Variants in TMPRSS15 observed in about 807,000 individuals in gnomAD.
The protein encoded by TMPRSS15 is enteropeptidase.
TMPRSS15 carries 128 observed loss-of-function variants against 125.3 expected under a neutral mutation model. The ratio of observed to expected loss-of-function variants is 1.02; its 90% CI spans 0.89 to 1.18. The LOEUF (loss-of-function observed/expected upper bound fraction) is 1.18. Among genes scored for constraint, TMPRSS15 ranks in the 50% most tolerant of loss-of-function variants. The probability of loss-of-function intolerance (pLI) is 0.00; values close to 1 mark genes in which losing one functional copy is unlikely to be tolerated. For synonymous variants in TMPRSS15, 446 were observed against 423.2 expected (o/e 1.05, Z -0.66); for missense variants, 1,283 against 1,212.7 (o/e 1.06, Z -0.86).
At chr21:18,455,456 A>T (rs961823376) in intron 1 of TMPRSS15, among the ~76,000 whole-genome samples, 1 of 152,210 alleles carries the variant, frequency 6.6e-6, no homozygotes, top group African/African-American at 2.4e-5. Flanking sequence ...CATGAAAAAC[A>T]TATCTGCAGT....
intron 1 of TMPRSS15, among the ~76,000 whole-genome samples, chr21:18,467,310 G>A (rs1978685705): frequency 6.6e-6 from 1 of 151,982 alleles, no homozygotes; most frequent in South Asian, 2.1e-4. Context: ...TAATGTAGAT[G>A]ATGGGTTGAT....
At chr21:18,430,161 G>A (rs1242734816) in intron 1 of TMPRSS15, among the ~76,000 whole-genome samples, 1 of 152,008 alleles carries the variant, frequency 6.6e-6, no homozygotes, top group African/African-American at 2.4e-5. Context: ...ATTAAAATTT[G>A]GGGTCACAAA....
At chr21:18,340,119 G>A (rs945341253) in intron 13 of TMPRSS15, among the ~76,000 whole-genome samples, 1 of 152,210 alleles carries the variant, frequency 6.6e-6, no homozygotes, top group Non-Finnish European at 1.5e-5. Context: ...GTGTCTATGA[G>A]GGTGTTGCCA....
chr21:18,365,694 C>CCTTCCTTCCTTCCTTCCTTCCTTCCTTA, intron 6 of TMPRSS15, among the ~76,000 whole-genome samples: 1 of 137,272 alleles, frequency 7.3e-6, no homozygotes, highest in Non-Finnish European at 1.6e-5. Flanking sequence ...TTCCTTCCTT[C>CCTTCCTTCCTTCCTTCCTTCCTTCCTTA]CTTCCTACCT....
At chr21:18,350,499 A>G (rs1054393401) in intron 10 of TMPRSS15, among the ~76,000 whole-genome samples, 1 of 151,984 alleles carries the variant, frequency 6.6e-6, no homozygotes, top group Non-Finnish European at 1.5e-5. Context: ...GTCTCTTTTC[A>G]ACACTCTTGC....
In TMPRSS15 at chr21:18,359,854, T is replaced by C; in HGVS notation, c.783A>G (p.Gln261=). Residue 261 remains glutamine (Q), a synonymous_variant, in exon 8 of 25, where the codon CAA becomes CAG. Transcript: ENST00000284885. ...CGAAGCTCAGTTTAATGGAAAGTCC[T>C]TGGTTTACACTAAATTAAAAGCAAA... ...VVCQWIIRVN[Q]GLSIKLSFDD... 6.7e-7 allele frequency: 1 copy of C among 1,489,360 alleles called. No individual in the cohort carries two copies. The highest frequency in any genetic ancestry group is 9.4e-7 in the Non-Finnish European group (1 of 1,068,776). 92.3% of individuals were successfully genotyped at this position (1,489,360 alleles called of 1,614,324 possible).
At position 18,329,123 on chromosome 21, in the gene TMPRSS15, C is replaced by T. The variant is rs750592502; in HGVS notation, c.1780+46G>A. 27 of 1,606,540 alleles carry T rather than the reference C, an allele frequency of 1.7e-5. No homozygotes were observed. In the South Asian group the frequency reaches 2.6e-4, roughly 16 times the overall value. The stretch of plus-strand genomic sequence containing the variant: ...AGAAACGCTCTTTCCATCAGCACAA[C>T]ATCTTGAGCTTTACAACCTTTACAA... On this transcript the variant is annotated intron_variant, in intron 15 of 24. Coordinates refer to ENST00000284885, the MANE Select transcript of TMPRSS15 (RefSeq NM_002772.3).
Position 18,297,799 on chromosome 21 carries a change from A to T in TMPRSS15, c.2196T>A (p.Pro732=). 2 of 1,613,732 alleles carry T rather than the reference A, an allele frequency of 1.2e-6. No homozygotes were observed. Among genetic ancestry groups the T allele is most frequent in the Non-Finnish European group, 1.7e-6 (2 of 1,179,698 alleles). Reference sequence around the variant, plus strand: ...ATTTGACAAATGGTCCACCATCGGTAGGGAAGATTGGCTTTGATGAGTTTC... The same window carrying T: ...ATTTGACAAATGGTCCACCATCGGTTGGGAAGATTGGCTTTGATGAGTTTC... ...GSGNSSKPIF[P]TDGGPFVKLN... is the part of the protein sequence containing the mutation. The change falls in exon 19 of 25, where the codon CCT becomes CCA. Residue 732 remains proline, a synonymous_variant. Transcript: ENST00000284885.
intron 18 of TMPRSS15, among the ~76,000 whole-genome samples, chr21:18,298,759 G>A (rs2074934050): frequency 6.6e-6 from 1 of 152,152 alleles, no homozygotes; most frequent in African/African-American, 2.4e-5. Flanking sequence ...ACCTTTTGGA[G>A]TACTGTGATG....
chr21:18,295,654 G>T (rs976815407), intron 19 of TMPRSS15, among the ~76,000 whole-genome samples: 1 of 152,162 alleles, frequency 6.6e-6, no homozygotes, highest in African/African-American at 2.4e-5. Context: ...TGAATGACTG[G>T]CATATTCTTT....
intron 1 of TMPRSS15, among the ~76,000 whole-genome samples, chr21:18,432,896 T>C (rs1227003745): frequency 6.6e-6 from 1 of 152,188 alleles, no homozygotes; most frequent in African/African-American, 2.4e-5. Context: ...AATCATGATG[T>C]GATTTTTTTT....
At chr21:18,405,836 A>G (rs1416579571), upstream of TMPRSS15, among the ~76,000 whole-genome samples, 22 of 152,196 alleles carry the variant, frequency 1.4e-4, no homozygotes, top group Admixed American at 1.4e-3. Context: ...TATTGAAGGA[A>G]TTTTTAGAAA....
At chr21:18,369,126 T>C (rs1331228344) in intron 6 of TMPRSS15, among the ~76,000 whole-genome samples, 1 of 152,144 alleles carries the variant, frequency 6.6e-6, no homozygotes, top group Non-Finnish European at 1.5e-5. Flanking sequence ...AATGAGCCTG[T>C]CAAATTATAG....
chr21:18,308,322 C>T (rs375870342), intron 18 of TMPRSS15, among the ~76,000 whole-genome samples: 2 of 151,826 alleles, frequency 1.3e-5, no homozygotes, highest in Non-Finnish European at 2.9e-5. Flanking sequence ...TGTCTGAAAG[C>T]TCCCCATGTT....
intron 7 of TMPRSS15, among the ~76,000 whole-genome samples, chr21:18,362,219 G>A (rs1480550592): frequency 6.6e-6 from 1 of 152,176 alleles, no homozygotes; most frequent in East Asian, 1.9e-4. Context: ...AGGACTGGGG[G>A]AGTGAGCCTG....
chr21:18,291,884 T>C (rs2074839857), intron 21 of TMPRSS15, among the ~76,000 whole-genome samples: 1 of 152,170 alleles, frequency 6.6e-6, no homozygotes. Context: ...AAAGACATTT[T>C]ATTGTCCTAT....
intron 3 of TMPRSS15, among the ~76,000 whole-genome samples, chr21:18,392,900 T>G (rs1280906030): frequency 6.6e-6 from 1 of 152,064 alleles, no homozygotes; most frequent in African/African-American, 2.4e-5. Context: ...TCCACTATCA[T>G]AAGAACAGCA....
intron 21 of TMPRSS15, among the ~76,000 whole-genome samples, chr21:18,288,845 C>CT (rs1488049088): frequency 1.3e-5 from 2 of 151,938 alleles, no homozygotes; most frequent in African/African-American, 4.8e-5. Flanking sequence ...CGCTCTTCCT[C>CT]TTTTTTATCT....
chr21:18,411,783 T>C (rs2076166515), intron 1 of TMPRSS15, among the ~76,000 whole-genome samples: 2 of 152,210 alleles, frequency 1.3e-5, no homozygotes, highest in African/African-American at 2.4e-5. Flanking sequence ...CCTAATCTAC[T>C]TTTGTCTGTA....
Sources: gnomAD v4.1 joint callset for allele counts (sites outside exome capture counted in the v4.1 genomes callset) on GRCh38, gnomAD v4.1.1 for gene constraint, MANE v1.5 for transcripts, NCBI Gene and HGNC (gene_info 2026-07-23, HGNC 2026-07-21) for gene names.